NCAM2: variants seen among roughly 807,000 people sequenced by gnomAD.
NCAM2 encodes neural cell adhesion molecule 2, also known as N-CAM-2.
NCAM2 carries 30 observed loss-of-function variants against 98.1 expected under a neutral mutation model. That is an observed-to-expected ratio of 0.31 (90% confidence interval 0.23 to 0.41). The LOEUF (loss-of-function observed/expected upper bound fraction) is 0.41. NCAM2 is among the 10% of genes least tolerant of loss of function. NCAM2 has a pLI of 1.00. For synonymous variants in NCAM2, 368 were observed against 342.4 expected, an observed-to-expected ratio of 1.07 and a Z score of -0.83; for missense variants, 867 against 1,005.8, an observed-to-expected ratio of 0.86 and a Z score of 1.87.
intron 1 of NCAM2, among the ~76,000 whole-genome samples, chr21:21,264,672 C>T (rs534373770): frequency 3.3e-5 from 5 of 149,854 alleles, no homozygotes; most frequent in Admixed American, 1.3e-4. Context: ...TATATACACA[C>T]ACACACATAT....
At chr21:21,086,287 G>A (rs546754725) in intron 1 of NCAM2, among the ~76,000 whole-genome samples, 18 of 152,282 alleles carry the variant, frequency 1.2e-4, no homozygotes, top group African/African-American at 3.8e-4. Context: ...AACAGAAGAC[G>A]ACTTTGGTGA....
chr21:21,192,592 A>G (rs1251482963), intron 1 of NCAM2, among the ~76,000 whole-genome samples: 1 of 152,220 alleles, frequency 6.6e-6, no homozygotes, highest in African/African-American at 2.4e-5. Context: ...AACAGGGTGC[A>G]GAGAATTGGG....
intron 1 of NCAM2, among the ~76,000 whole-genome samples, chr21:21,084,605 G>A (rs985428): frequency 0.36 from 54,573 of 152,018 alleles, 11,402 homozygotes; most frequent in African/African-American, 0.58. Flanking sequence ...ATTTGAGATT[G>A]CTGTAAACAA....
At chr21:21,272,585 G>T (rs2147440516) in intron 1 of NCAM2, among the ~76,000 whole-genome samples, 1 of 151,544 alleles carries the variant, frequency 6.6e-6, no homozygotes, top group East Asian at 2.0e-4. Context: ...CAATTTTGCA[G>T]AATATTCACT....
At chr21:21,371,144 A>G (rs939941039) in intron 8 of NCAM2, among the ~76,000 whole-genome samples, 11 of 151,866 alleles carry the variant, frequency 7.2e-5, no homozygotes, top group African/African-American at 2.7e-4. Flanking sequence ...CATTATTGCT[A>G]ATAGTAAAGA....
intron 1 of NCAM2, among the ~76,000 whole-genome samples, chr21:21,274,236 A>C (rs1199399970): frequency 6.6e-6 from 1 of 152,246 alleles, no homozygotes; most frequent in South Asian, 2.1e-4. Context: ...AGGGACATCT[A>C]TTTTCCTAAT....
At chr21:21,352,159 C>A (rs765492265) in intron 8 of NCAM2, among the ~76,000 whole-genome samples, 1 of 151,870 alleles carries the variant, frequency 6.6e-6, no homozygotes, top group Admixed American at 6.6e-5. Context: ...TTCAGCCCCC[C>A]AGTCTCAAGC....
intron 6 of NCAM2, among the ~76,000 whole-genome samples, chr21:21,327,233 G>A (rs974771700): frequency 2.7e-5 from 4 of 150,696 alleles, no homozygotes; most frequent in Non-Finnish European, 4.4e-5. Flanking sequence ...GCTTGAACCC[G>A]GGAGACGGAG....
At chr21:21,264,469 A>G (rs111940373) in intron 1 of NCAM2, among the ~76,000 whole-genome samples, 5 of 152,088 alleles carry the variant, frequency 3.3e-5, no homozygotes, top group African/African-American at 1.2e-4. Context: ...TAGAACTACC[A>G]TTTGACCTAG....
intron 9 of NCAM2, among the ~76,000 whole-genome samples, chr21:21,375,035 G>A (rs2076001113): frequency 6.6e-6 from 1 of 151,180 alleles, no homozygotes; most frequent in African/African-American, 2.4e-5. Context: ...AGAGGGGAGG[G>A]ATAGCATTAG....
intron 1 of NCAM2, among the ~76,000 whole-genome samples, chr21:21,140,191 G>A (rs182835001): frequency 6.6e-6 from 1 of 152,196 alleles, no homozygotes; most frequent in East Asian, 1.9e-4. Flanking sequence ...TGTATTAATT[G>A]TATACACCAT....
intron 11 of NCAM2, among the ~76,000 whole-genome samples, chr21:21,429,888 G>A (rs2077292452): frequency 6.6e-6 from 1 of 151,980 alleles, no homozygotes; most frequent in Non-Finnish European, 1.5e-5. Flanking sequence ...GTATTCACAT[G>A]TGAAAGGCCG....
rs138173184 is a variant in NCAM2, at chr21:21,077,813, C to A, written c.55+79195C>A. ...ACATTTTATATCACATAAGTATATTCATTTATTGGCACATTATTTTACACA... is the reference window on the plus strand; with the variant it reads ...ACATTTTATATCACATAAGTATATTAATTTATTGGCACATTATTTTACACA... On this transcript the variant is annotated intron_variant, in intron 1 of 17. Coordinates refer to ENST00000400546, the MANE Select transcript of NCAM2 (RefSeq NM_004540.5). Among the ~76,000 whole-genome samples, 229 of 152,070 alleles carry A rather than the reference C, an allele frequency of 1.5e-3. 1 individual carries two copies. Among genetic ancestry groups the A allele is most frequent in the African/African-American group, 5.3e-3 (220 of 41,506 alleles).
At chr21:21,374,437 A>G (rs919172330) in intron 9 of NCAM2, among the ~76,000 whole-genome samples, 1 of 151,950 alleles carries the variant, frequency 6.6e-6, no homozygotes, top group African/African-American at 2.4e-5. Context: ...CATAAACTAT[A>G]AAGAGTATTT....
intron 15 of NCAM2, among the ~76,000 whole-genome samples, chr21:21,480,687 G>C (rs973724074): frequency 6.6e-6 from 1 of 152,132 alleles, no homozygotes; most frequent in Non-Finnish European, 1.5e-5. Context: ...TGAAGAGATA[G>C]GTATTATAAA....
At chr21:21,100,596 G>A (rs1355812200) in intron 1 of NCAM2, among the ~76,000 whole-genome samples, 1 of 152,048 alleles carries the variant, frequency 6.6e-6, no homozygotes, top group Non-Finnish European at 1.5e-5. Context: ...TAATGCAGAA[G>A]GAAATCTTAT....
At chr21:21,352,564 C>A (rs369207496) in intron 8 of NCAM2, among the ~76,000 whole-genome samples, 2 of 151,822 alleles carry the variant, frequency 1.3e-5, no homozygotes, top group African/African-American at 4.8e-5. Flanking sequence ...GACTTTCTTG[C>A]TTTTGGTGTG....
intron 16 of NCAM2, among the ~76,000 whole-genome samples, chr21:21,520,036 T>C (rs749029374): frequency 7.2e-5 from 11 of 152,262 alleles, no homozygotes; most frequent in Middle Eastern, 3.4e-3. Context: ...TTTAAATTAC[T>C]ATATATCTTA....
At chr21:21,161,510 A>G (rs1601534143) in intron 1 of NCAM2, among the ~76,000 whole-genome samples, 1 of 151,710 alleles carries the variant, frequency 6.6e-6, no homozygotes, top group East Asian at 1.9e-4. Context: ...CTTAACAACA[A>G]TCTCATAATT....
Sources: allele counts gnomAD v4.1 joint callset (sites outside exome capture counted in the v4.1 genomes callset), GRCh38; gene constraint gnomAD v4.1.1; transcripts MANE v1.5; gene names NCBI Gene and HGNC (gene_info 2026-07-23, HGNC 2026-07-21).